The following EML4 variants were observed in gnomAD, a reference collection of about 807,000 sequenced individuals.
The protein encoded by EML4 is EMAP like 4.
A neutral mutation model predicts 129.0 loss-of-function variants in EML4; 72 were observed. That is an observed-to-expected ratio of 0.56 (90% CI 0.46 to 0.68). EML4 has a LOEUF of 0.68. EML4 is among the 30% of genes least tolerant of loss of function. The pLI, the probability that EML4 is intolerant of heterozygous loss-of-function variation, is 0.00. For synonymous variants in EML4, 532 were observed against 405.0 expected, an observed-to-expected ratio of 1.31 and a Z score of -3.77; for missense variants, 1,363 against 1,190.6, an observed-to-expected ratio of 1.14 and a Z score of -2.13.
At position 42,254,815 on chromosome 2, in the gene EML4, G is replaced by T. The variant is rs150736688; in HGVS notation, c.209-1686G>T. ...TACTCAAAATAATTGAAAACAGGTG[G>T]TTATATGAAAAATTTTACACAAATG... On this transcript the variant is annotated intron_variant, in intron 2 of 22. Coordinates refer to ENST00000318522, the MANE Select transcript of EML4 (RefSeq NM_019063.5). Among the ~76,000 whole-genome samples the T allele has an allele frequency of 7.2e-3, 1,100 of 152,136 alleles. 14 individuals carry two copies. Among genetic ancestry groups the T allele is most frequent in the African/African-American group, 0.025 (1,037 of 41,510 alleles).
At chr2:42,225,581 CTGATG>C (rs1435289635) in intron 1 of EML4, among the ~76,000 whole-genome samples, 14 of 152,134 alleles carry the variant, frequency 9.2e-5, no homozygotes, top group Admixed American at 9.2e-4. Context: ...TATAAAAGTT[CTGATG>C]CTCTAAATCC....
At chr2:42,256,477 A>AT (rs747963508) in intron 2 of EML4, 24 bp from the exon 3 acceptor site, 7 of 1,570,068 alleles carry the variant, frequency 4.5e-6, no homozygotes, top group Middle Eastern at 3.4e-4. Flanking sequence ...ATTTGATATA[A>AT]TTTTTTTCCT....
Position 42,329,817 on chromosome 2 carries a change from T to G in EML4, c.2556T>G (p.Thr852=), listed in dbSNP as rs769118704. ...FTHNDSHLIS[T]GGKDMSIIQW... ...ACAATGACAGTCACCTGATATCAAC[T>G]GGTGGAAAAGACATGAGCATCATTC... is the stretch of plus-strand genomic sequence containing the variant. Residue 852 remains threonine, a synonymous_variant, in exon 23 of 23, where the codon ACT becomes ACG. Transcript: ENST00000318522. The G allele has an allele frequency of 4.3e-6, 7 of 1,613,990 alleles. No homozygotes were observed. Among genetic ancestry groups the G allele is most frequent in the Non-Finnish European group, 5.9e-6 (7 of 1,179,984 alleles).
At chr2:42,192,247 G>GGT (rs1671636522) in intron 1 of EML4, among the ~76,000 whole-genome samples, 4 of 148,782 alleles carry the variant, frequency 2.7e-5, no homozygotes, top group Admixed American at 2.7e-4. Context: ...TTTTTTTGGG[G>GGT]GGGGGAGGTG....
chr2:42,180,965 A>T (rs1432160101), intron 1 of EML4, among the ~76,000 whole-genome samples: 1 of 152,166 alleles, frequency 6.6e-6, no homozygotes, highest in East Asian at 1.9e-4. Flanking sequence ...TTGATGTTTC[A>T]TCCTGATTAG....
chr2:42,209,020 T>C (rs1302130164), intron 1 of EML4, among the ~76,000 whole-genome samples: 1 of 152,186 alleles, frequency 6.6e-6, no homozygotes, highest in African/African-American at 2.4e-5. Context: ...TTTTATCCCC[T>C]AAGAGTCCAT....
chr2:42,285,876 G>T (rs1276550521), intron 9 of EML4: 2 of 212,416 alleles, frequency 9.4e-6, no homozygotes. Flanking sequence ...TAGGATTACC[G>T]GTGTGGGCCC....
intron 1 of EML4, among the ~76,000 whole-genome samples, chr2:42,198,602 G>T (rs74418674): frequency 6.6e-6 from 1 of 152,164 alleles, no homozygotes; most frequent in African/African-American, 2.4e-5. Flanking sequence ...ATTTGGGGAG[G>T]AATATTTCTA....
In EML4 at chr2:42,282,945, A is replaced by G; in HGVS notation, c.914A>G (p.Tyr305Cys). ...TATGAGGAGAGAACTCAGCGACACT[A>G]CCTGGGCCATACAGACTGTGTGAAA... is the stretch of plus-strand genomic sequence containing the variant. Reference protein sequence around the residue: ...FNYEERTQRHYLGHTDCVKCL... With the variant: ...FNYEERTQRHCLGHTDCVKCL... The change falls in exon 8 of 23, where the codon TAC (tyrosine) becomes TGC (cysteine). Residue 305 changes from tyrosine (Y) to cysteine (C), a missense_variant. Coordinates refer to ENST00000318522, the MANE Select transcript of EML4 (RefSeq NM_019063.5). The G allele has an allele frequency of 6.2e-7, 1 of 1,613,860 alleles. No individual in the cohort carries two copies. Among genetic ancestry groups the G allele is most frequent in the Non-Finnish European group, 8.5e-7 (1 of 1,179,850 alleles).
At chr2:42,226,841 C>T (rs1228036186) in intron 1 of EML4, among the ~76,000 whole-genome samples, 2 of 151,742 alleles carry the variant, frequency 1.3e-5, no homozygotes, top group Admixed American at 6.6e-5. Context: ...TGTTATACAC[C>T]ATAAATATAT....
intron 1 of EML4, among the ~76,000 whole-genome samples, chr2:42,197,099 G>A (rs893074541): frequency 6.6e-6 from 1 of 152,066 alleles, no homozygotes; most frequent in African/African-American, 2.4e-5. Flanking sequence ...AGACAGGGTC[G>A]CACTCTGTCA....
intron 11 of EML4, among the ~76,000 whole-genome samples, chr2:42,293,943 A>C (rs1667802411): frequency 6.6e-6 from 1 of 152,218 alleles, no homozygotes; most frequent in African/African-American, 2.4e-5. Context: ...GCTTCCGTAC[A>C]CGTAAAGTTC....
chr2:42,237,480 T>C (rs930602683), intron 1 of EML4, among the ~76,000 whole-genome samples: 1 of 152,202 alleles, frequency 6.6e-6, no homozygotes, highest in African/African-American at 2.4e-5. Flanking sequence ...TTCTTGGATT[T>C]TATTTTTGTG....
intron 1 of EML4, among the ~76,000 whole-genome samples, chr2:42,216,180 A>G (rs1202506372): frequency 6.8e-6 from 1 of 146,830 alleles, no homozygotes; most frequent in Non-Finnish European, 1.5e-5. Context: ...TCGGCGTCCC[A>G]AACCAAAGTG....
intron 11 of EML4, among the ~76,000 whole-genome samples, chr2:42,290,177 A>G (rs1451081035): frequency 1.3e-5 from 2 of 152,156 alleles, no homozygotes; most frequent in Non-Finnish European, 2.9e-5. Flanking sequence ...AGTAAAGGTC[A>G]GAGGGAGATT....
At chr2:42,312,332 C>T (rs537271162) in intron 17 of EML4, among the ~76,000 whole-genome samples, 1 of 152,106 alleles carries the variant, frequency 6.6e-6, no homozygotes, top group Non-Finnish European at 1.5e-5. Context: ...CAGGCCGTAA[C>T]AGGAAGGGAA....
chr2:42,295,650 A>T, intron 13 of EML4, 134 bp downstream of exon 13: 1 of 662,774 alleles, frequency 1.5e-6, no homozygotes. Context: ...TTTTGTTTTC[A>T]GCATTCTTCA....
At chr2:42,327,527 G>A (rs915738791) in intron 21 of EML4, among the ~76,000 whole-genome samples, 1 of 152,160 alleles carries the variant, frequency 6.6e-6, no homozygotes, top group African/African-American at 2.4e-5. Flanking sequence ...GCGTGTGGAT[G>A]TCTAGTTGCC....
chr2:42,189,455 C>G (rs1671455282), intron 1 of EML4, among the ~76,000 whole-genome samples: 1 of 152,302 alleles, frequency 6.6e-6, no homozygotes, highest in East Asian at 1.9e-4. Flanking sequence ...TAGTGCATAT[C>G]TGCAGTCCCT....
Sources: gnomAD v4.1 joint callset for allele counts (sites outside exome capture counted in the v4.1 genomes callset) on GRCh38, gnomAD v4.1.1 for gene constraint, MANE v1.5 for transcripts, NCBI Gene and HGNC (gene_info 2026-07-23, HGNC 2026-07-21) for gene names.